The following ASNS variants were observed in gnomAD, a reference collection of about 807,000 sequenced individuals.
The protein encoded by ASNS is asparagine synthetase (glutamine-hydrolyzing), also known as asparagine synthetase [glutamine-hydrolyzing].
A neutral mutation model predicts 62.6 loss-of-function variants in ASNS; 37 were observed. The observed-to-expected ratio is 0.59, with a 90% CI of 0.45 to 0.78. The LOEUF is 0.78. ASNS is among the 30% of genes least tolerant of loss of function. The pLI is 0.00. For synonymous variants in ASNS, 207 were observed against 237.9 expected, an observed-to-expected ratio of 0.87 and a Z score of 1.19; for missense variants, 520 against 682.4, an observed-to-expected ratio of 0.76 and a Z score of 2.65.
the ASNS span, among the ~76,000 whole-genome samples, chr7:97,922,452 A>G: frequency 6.6e-6 from 1 of 152,226 alleles, no homozygotes. Context: ...AAGTGGGCAG[A>G]TGCCAAAGGA....
chr7:97,890,739 T>G, the ASNS span, among the ~76,000 whole-genome samples: 1 of 151,956 alleles, frequency 6.6e-6, no homozygotes, highest in Admixed American at 6.6e-5. Context: ...AGAGTGAGAC[T>G]CCATTGCTAA....
At chr7:97,914,542 G>A in the ASNS span, among the ~76,000 whole-genome samples, 1 of 152,140 alleles carries the variant, frequency 6.6e-6, no homozygotes, top group African/African-American at 2.4e-5. Context: ...GTAGAGCCAT[G>A]GGTTCTTTGA....
the ASNS span, among the ~76,000 whole-genome samples, chr7:97,923,970 C>G: frequency 6.6e-6 from 1 of 152,222 alleles, no homozygotes; most frequent in African/African-American, 2.4e-5. Flanking sequence ...TTCCAGAGGC[C>G]ACAAGAAGAA....
At chr7:97,867,587 G>A (rs1792038544) in intron 3 of ASNS, among the ~76,000 whole-genome samples, 1 of 152,206 alleles carries the variant, frequency 6.6e-6, no homozygotes, top group East Asian at 1.9e-4. Context: ...AGCTGATAAT[G>A]CCATAATACC....
At chr7:97,883,810 A>G in the ASNS span, among the ~76,000 whole-genome samples, 1 of 151,536 alleles carries the variant, frequency 6.6e-6, no homozygotes, top group Admixed American at 6.6e-5. Flanking sequence ...ACACGTTGAA[A>G]CCCCGTCTCT....
rs1311764235 is a variant in ASNS, at chr7:97,853,092, A to C, written c.1444T>G (p.Phe482Val). ...DGITSVKNSW[F>V]KILQEYVEHQ... Reference sequence around the variant, plus strand: ...TCAACGTATTCCTGTAAAATCTTAAACCAGGAATTCTTAACTGAAGTTATT... The same window carrying C: ...TCAACGTATTCCTGTAAAATCTTAACCCAGGAATTCTTAACTGAAGTTATT... The change falls in exon 12 of 13, where the codon TTT becomes GTT. Residue 482 changes from phenylalanine (F) to valine (V), a missense_variant. By Grantham distance (50) the Phe-to-Val change is conservative. Transcript: ENST00000394308. The C allele has an allele frequency of 6.3e-7, 1 of 1,594,626 alleles. No individual in the cohort carries two copies. The highest frequency in any genetic ancestry group is 8.5e-7 in the Non-Finnish European group (1 of 1,173,696).
At chr7:97,876,766 T>C (rs1218496421), upstream of ASNS, among the ~76,000 whole-genome samples, 1 of 152,026 alleles carries the variant, frequency 6.6e-6, no homozygotes, top group Non-Finnish European at 1.5e-5. Flanking sequence ...GTTACTATAT[T>C]TTGTGAAAAT....
chr7:97,856,492 G>A (rs546682020), intron 8 of ASNS, among the ~76,000 whole-genome samples, 198 bp downstream of exon 8: 2 of 152,280 alleles, frequency 1.3e-5, no homozygotes, highest in Middle Eastern at 3.4e-3. Context: ...GTTGAACTAC[G>A]TATTTACTAT....
the ASNS span, among the ~76,000 whole-genome samples, chr7:97,915,247 C>A: frequency 6.6e-6 from 1 of 152,194 alleles, no homozygotes; most frequent in Non-Finnish European, 1.5e-5. Context: ...GTCTCTCACT[C>A]CTGCTGTTGG....
chr7:97,907,023 T>C, the ASNS span, among the ~76,000 whole-genome samples: 1 of 152,216 alleles, frequency 6.6e-6, no homozygotes, highest in Non-Finnish European at 1.5e-5. Context: ...GTTATCCTCA[T>C]CCAGAATACC....
the ASNS span, among the ~76,000 whole-genome samples, chr7:97,915,732 C>A: frequency 6.6e-6 from 1 of 151,056 alleles, no homozygotes; most frequent in African/African-American, 2.4e-5. Flanking sequence ...AGAAAGAGCC[C>A]GATATGCAAA....
upstream of ASNS, among the ~76,000 whole-genome samples, chr7:97,875,501 T>G (rs980220289): frequency 6.6e-6 from 1 of 152,210 alleles, no homozygotes; most frequent in Non-Finnish European, 1.5e-5. Flanking sequence ...TGTGTGGTGG[T>G]CTGTTCATTG....
At chr7:97,894,243 C>G in the ASNS span, among the ~76,000 whole-genome samples, 1 of 151,690 alleles carries the variant, frequency 6.6e-6, no homozygotes, top group Non-Finnish European at 1.5e-5. Context: ...AAGTTTATAT[C>G]AATAAATGCC....
chr7:97,914,151 C>CATGG, the ASNS span, among the ~76,000 whole-genome samples: 2,805 of 125,122 alleles, frequency 0.022, 50 homozygotes, highest in South Asian at 0.027. Context: ...TGGATGGATG[C>CATGG]ATGGATGGAT....
intron 10 of ASNS, 97 bp from the exon 11 acceptor site, chr7:97,853,483 T>A: frequency 1.0e-6 from 1 of 993,204 alleles, no homozygotes; most frequent in Non-Finnish European, 1.5e-6. Flanking sequence ...AACCAGATCT[T>A]AAGAAATGTT....
chr7:97,928,349 C>G, the ASNS span: 4 of 1,113,404 alleles, frequency 3.6e-6, no homozygotes, highest in South Asian at 1.4e-5. Context: ...CCGGCGCAAG[C>G]GGCCTCTCGG....
intron 9 of ASNS, 80 bp from the exon 10 acceptor site, chr7:97,854,760 G>A: frequency 1.3e-6 from 2 of 1,594,812 alleles, no homozygotes; most frequent in Non-Finnish European, 1.7e-6. Flanking sequence ...CAATCCTAAA[G>A]GTGGATAAGA....
the ASNS span, among the ~76,000 whole-genome samples, chr7:97,909,293 ACTTTT>A: frequency 9.7e-6 from 1 of 102,668 alleles, no homozygotes; most frequent in Non-Finnish European, 1.8e-5. Context: ...CCTCACATAC[ACTTTT>A]TTTTTTTTTT....
Position 97,859,199 on chromosome 7 carries a change from T to C in ASNS, c.673+14A>G, listed in dbSNP as rs1245139008. 6.3e-7 allele frequency: 1 copy of C among 1,595,012 alleles called. No homozygotes were observed. ...TGGAGAAGGATGGGGAATAGGTGGG[T>C]GGGTGTCTGCTACCTGGAAAGAGTT... On this transcript the variant is annotated intron_variant, in intron 5 of 12. Transcript: ENST00000394308.
Sources: gnomAD v4.1 joint callset for allele counts (sites outside exome capture counted in the v4.1 genomes callset) on GRCh38, gnomAD v4.1.1 for gene constraint, MANE v1.5 for transcripts, NCBI Gene and HGNC (gene_info 2026-07-23, HGNC 2026-07-21) for gene names.